SPAG9: variants seen among roughly 807,000 people sequenced by gnomAD.
SPAG9 encodes sperm associated antigen 9.
In SPAG9, 35 loss-of-function variants were observed where a neutral mutation model predicts 166.5. The ratio of observed to expected loss-of-function variants is 0.21; its 90% confidence interval spans 0.16 to 0.28. The LOEUF (loss-of-function observed/expected upper bound fraction) is 0.28, where lower values mean the gene tolerates loss of function less well. Among genes scored for constraint, SPAG9 ranks in the 10% least tolerant of loss-of-function variants. The probability of loss-of-function intolerance (pLI) is 1.00; values close to 1 mark genes in which losing one functional copy is unlikely to be tolerated. For synonymous variants in SPAG9, 534 were observed against 565.5 expected (o/e 0.94, Z 0.79); for missense variants, 1,235 against 1,603.3 (o/e 0.77, Z 3.92).
At chr17:51,009,748 A>G (rs1567993300) in intron 9 of SPAG9, among the ~76,000 whole-genome samples, 1 of 152,172 alleles carries the variant, frequency 6.6e-6, no homozygotes, top group Non-Finnish European at 1.5e-5. Context: ...GAGGATACCA[A>G]ATGGAAACAC....
At chr17:51,035,576 TG>T (rs576314634) in intron 5 of SPAG9, among the ~76,000 whole-genome samples, 71 of 152,328 alleles carry the variant, frequency 4.7e-4, no homozygotes, top group African/African-American at 1.6e-3. Context: ...TCAACAAGAA[TG>T]CTGGCTCTGT....
intron 2 of SPAG9, among the ~76,000 whole-genome samples, chr17:51,066,579 A>AAAAAAAAAAAC (rs2047676513): frequency 6.6e-6 from 1 of 150,598 alleles, no homozygotes; most frequent in Non-Finnish European, 1.5e-5. Flanking sequence ...AAAAAAAAAA[A>AAAAAAAAAAAC]AAGACCATGG....
At chr17:51,079,747 C>CT (rs754771644) in intron 1 of SPAG9, 43 bp from the exon 2 acceptor site, 3 of 1,346,696 alleles carry the variant, frequency 2.2e-6, no homozygotes, top group African/African-American at 2.9e-5. Flanking sequence ...AGAAATTAAA[C>CT]TTTACATTTT....
chr17:50,968,073 G>C (rs1376184616), intron 29 of SPAG9, among the ~76,000 whole-genome samples: 1 of 152,188 alleles, frequency 6.6e-6, no homozygotes, highest in Non-Finnish European at 1.5e-5. Flanking sequence ...CCCCAGCCAA[G>C]TGGAGTCCCT....
At chr17:51,099,055 G>A (rs1437624048) in intron 1 of SPAG9, among the ~76,000 whole-genome samples, 4 of 148,300 alleles carry the variant, frequency 2.7e-5, no homozygotes, top group Non-Finnish European at 3.0e-5. Flanking sequence ...AGCTGAGATA[G>A]TGCCACTGCA....
rs1283797412 is a variant in SPAG9, at chr17:51,076,847, G to A, written c.424+2737C>T. On this transcript the variant is annotated intron_variant, in intron 2 of 29. Coordinates refer to ENST00000262013, the MANE Select transcript of SPAG9 (RefSeq NM_001130528.3). ...TGAGTCTGTCAACTGTGTCTTTAGT[G>A]TTTGGTTCTAAAAGATTATATAATC... 2.6e-5 allele frequency among the ~76,000 whole-genome samples: 4 copies of A among 152,092 alleles called. No homozygotes were observed. In the East Asian group the frequency reaches 5.8e-4, roughly 22 times the overall value.
In SPAG9 at chr17:51,031,337, A is replaced by G. The variant is rs536335681; in HGVS notation, c.783+344T>C. Reference sequence around the variant, plus strand: ...GATGACACACTAGGCCACATTCAGGACAAATACAAGTTACATACATTATGC... The same window carrying G: ...GATGACACACTAGGCCACATTCAGGGCAAATACAAGTTACATACATTATGC... On this transcript the variant is annotated intron_variant, in intron 6 of 29. Coordinates refer to ENST00000262013, the MANE Select transcript of SPAG9 (RefSeq NM_001130528.3). The G allele has an allele frequency of 6.7e-5, 20 of 298,204 alleles. No homozygotes were observed. In the South Asian group the frequency reaches 6.9e-4, roughly 10 times the overall value. The allele number at this position is 298,204 out of a possible 1,614,324, so 18.5% of individuals were successfully genotyped here.
intron 2 of SPAG9, among the ~76,000 whole-genome samples, chr17:51,062,590 C>CT (rs1203032993): frequency 4.6e-5 from 7 of 151,818 alleles, no homozygotes; most frequent in African/African-American, 1.5e-4. Flanking sequence ...TACTCCATAT[C>CT]TTTTTTTTGT....
chr17:51,010,508 T>G (rs1250174865), intron 9 of SPAG9, among the ~76,000 whole-genome samples: 1 of 150,612 alleles, frequency 6.6e-6, no homozygotes, highest in East Asian at 1.9e-4. Context: ...AAACTAAGCT[T>G]TAATTAGGGG....
chr17:51,045,823 C>A (rs957163791), intron 4 of SPAG9, among the ~76,000 whole-genome samples: 10 of 152,210 alleles, frequency 6.6e-5, no homozygotes, highest in Admixed American at 1.3e-4. Context: ...CACAAGCAGG[C>A]ATGGATATTT....
intron 6 of SPAG9, among the ~76,000 whole-genome samples, chr17:51,023,714 G>A (rs928719148): frequency 3.3e-5 from 5 of 152,112 alleles, no homozygotes; most frequent in African/African-American, 1.2e-4. Context: ...ACCCAGGCTG[G>A]AGTGCAGTGG....
At chr17:51,018,546 GT>G (rs1194558681) in intron 8 of SPAG9, among the ~76,000 whole-genome samples, 2 of 152,006 alleles carry the variant, frequency 1.3e-5, no homozygotes, top group East Asian at 3.9e-4. Context: ...TTTTTGTTTT[GT>G]TTTTTAAATC....
At chr17:51,068,528 A>G (rs1172672799) in intron 2 of SPAG9, among the ~76,000 whole-genome samples, 1 of 152,146 alleles carries the variant, frequency 6.6e-6, no homozygotes, top group East Asian at 1.9e-4. Context: ...TCCTACCTAA[A>G]GTCTCTACGT....
chr17:50,979,677 T>C, intron 26 of SPAG9, 69 bp downstream of exon 26: 2 of 1,462,020 alleles, frequency 1.4e-6, no homozygotes, highest in Middle Eastern at 1.9e-4. Context: ...CTCATTTCAA[T>C]AAACACATAG....
At chr17:51,079,058 T>A (rs1368700965) in intron 2 of SPAG9, among the ~76,000 whole-genome samples, 3 of 152,108 alleles carry the variant, frequency 2.0e-5, no homozygotes, top group Non-Finnish European at 4.4e-5. Context: ...GTCTGATCGA[T>A]ATATCTGGTT....
At chr17:51,032,238 T>TG (rs1186055058) in intron 5 of SPAG9, among the ~76,000 whole-genome samples, 3 of 152,174 alleles carry the variant, frequency 2.0e-5, no homozygotes, top group Non-Finnish European at 2.9e-5. Flanking sequence ...CACGGCTTGC[T>TG]GCAGCCTCAA....
At position 51,114,769 on chromosome 17, in the gene SPAG9, T is replaced by C. The variant is rs2049233585; in HGVS notation, c.303+5585A>G. ...GAGTTTTACACCACCCTGGCCAACA[T>C]GGTGAAACCCTGTCTCTACTGAAAA... is the stretch of plus-strand genomic sequence containing the variant. On this transcript the variant is annotated intron_variant, in intron 1 of 29. Coordinates refer to ENST00000262013, the MANE Select transcript of SPAG9 (RefSeq NM_001130528.3). Among the ~76,000 whole-genome samples, 4 of 152,270 alleles carry C rather than the reference T, an allele frequency of 2.6e-5. No individual in the cohort carries two copies. The South Asian group carries it at 6.2e-4, about 24-fold the overall frequency.
chr17:51,091,558 C>A (rs1286079499), intron 1 of SPAG9, among the ~76,000 whole-genome samples: 1 of 151,886 alleles, frequency 6.6e-6, no homozygotes, highest in Non-Finnish European at 1.5e-5. Flanking sequence ...CAGAGAGTCC[C>A]CTCAGCACAA....
At chr17:51,114,913 C>A (rs1331342063) in intron 1 of SPAG9, among the ~76,000 whole-genome samples, 1 of 151,498 alleles carries the variant, frequency 6.6e-6, no homozygotes, top group Non-Finnish European at 1.5e-5. Flanking sequence ...GATAGTGCCA[C>A]TGCACTCCAG....
Sources: gnomAD v4.1 joint callset for allele counts (sites outside exome capture counted in the v4.1 genomes callset) on GRCh38, gnomAD v4.1.1 for gene constraint, MANE v1.5 for transcripts, NCBI Gene and HGNC (gene_info 2026-07-23, HGNC 2026-07-21) for gene names.